The following ONECUT3 variants were observed in gnomAD, a reference collection of about 807,000 sequenced individuals.
The protein encoded by ONECUT3 is one cut homeobox 3.
Under a neutral mutation model 16.8 loss-of-function variants are expected in ONECUT3, and 11 were observed. The observed-to-expected ratio is 0.66, with a 90% CI of 0.41 to 1.09. The LOEUF (loss-of-function observed/expected upper bound fraction) is 1.09. ONECUT3 is among the 50% of genes least tolerant of loss of function. The pLI is 0.00. For synonymous variants in ONECUT3, 344 were observed against 310.7 expected (o/e 1.11, Z -1.13); for missense variants, 637 against 629.9 (o/e 1.01, Z -0.12).
Position 1,759,869 on chromosome 19 carries a change from A to G in ONECUT3, c.1192+5015A>G, listed in dbSNP as rs556585822. Reference sequence around the variant, plus strand: ...GTGTGGATAGACCGAGACCGTGCCCAGGGCCACGAGAACCAGACCCACGTG... The same window carrying G: ...GTGTGGATAGACCGAGACCGTGCCCGGGGCCACGAGAACCAGACCCACGTG... On this transcript the variant is annotated intron_variant, in intron 1 of 1. Transcript: ENST00000382349. The surrounding 1 kb of genome is among the most constrained non-coding windows in gnomAD (Gnocchi z 4.1). Among the ~76,000 whole-genome samples, 1 of 152,226 alleles carries G rather than the reference A, an allele frequency of 6.6e-6. No individual in the cohort carries two copies. Among genetic ancestry groups the G allele is most frequent in the Admixed American group, 6.5e-5 (1 of 15,280 alleles).
In ONECUT3 at chr19:1,753,979, C is replaced by T. The variant is rs990485679; in HGVS notation, c.317C>T (p.Thr106Met). Residue 106 changes from threonine to methionine, a missense_variant, in exon 1 of 2, where the codon ACG (threonine) becomes ATG (methionine). Physicochemically the swap from Thr to Met is moderately conservative, Grantham distance 81. Coordinates refer to ENST00000382349, the MANE Select transcript of ONECUT3 (RefSeq NM_001080488.2). ...GCGCCGGGCCTGGGCGGCACCTACA[C>T]GACGCTCACGCCCCTGCAGCACCTG... is the stretch of plus-strand genomic sequence containing the variant. ...CEAPGLGGTY[T>M]TLTPLQHLPP... 15 of 994,826 alleles carry T rather than the reference C, an allele frequency of 1.5e-5. No individual in the cohort carries two copies. Among genetic ancestry groups the T allele is most frequent in the African/African-American group, 3.5e-5 (2 of 56,906 alleles). 61.6% of individuals were successfully genotyped at this position (994,826 alleles called of 1,614,324 possible).
intron 1 of ONECUT3, among the ~76,000 whole-genome samples, chr19:1,769,046 G>A (rs559917326): frequency 1.1e-5 from 1 of 89,668 alleles, no homozygotes; most frequent in East Asian, 3.6e-4. Flanking sequence ...GACGGTGGAG[G>A]TGGTGGAGTT....
Position 1,759,914 on chromosome 19 carries a change from G to A in ONECUT3, c.1192+5060G>A, listed in dbSNP as rs1052835805. On this transcript the variant is annotated intron_variant, in intron 1 of 1. Coordinates refer to ENST00000382349, the MANE Select transcript of ONECUT3 (RefSeq NM_001080488.2). This position sits in a 1 kb window ranked among gnomAD's most constrained non-coding sequence, Gnocchi z 4.1. ...CACGTGGGGCTGCGCGCGAGACTCA[G>A]GTGACTCTGGTGCCCCCACACCAGC... 2.6e-5 allele frequency among the ~76,000 whole-genome samples: 4 copies of A among 152,134 alleles called. No individual in the cohort carries two copies. Among genetic ancestry groups the A allele is most frequent in the Non-Finnish European group, 4.4e-5 (3 of 68,000 alleles).
intron 1 of ONECUT3, among the ~76,000 whole-genome samples, chr19:1,763,631 G>A (rs532706886): frequency 1.3e-5 from 2 of 152,108 alleles, no homozygotes; most frequent in East Asian, 3.9e-4. Flanking sequence ...TGCAAGATGA[G>A]GTGGCTTCCA....
chr19:1,757,836 C>A (rs1243313107), intron 1 of ONECUT3, among the ~76,000 whole-genome samples: 1 of 152,240 alleles, frequency 6.6e-6, no homozygotes, highest in Non-Finnish European at 1.5e-5. Flanking sequence ...CACGGCGACG[C>A]CCCAACGCTG....
intron 1 of ONECUT3, among the ~76,000 whole-genome samples, chr19:1,768,861 AGGAGGTGGCGGAGGTAGAGGT>A (rs1681055493): frequency 2.4e-5 from 1 of 41,532 alleles, no homozygotes; most frequent in Admixed American, 2.0e-4. Context: ...GAGACGATGG[AGGAGGTGGCGGAGGTAGAGGT>A]GGAGGTGGTG....
At chr19:1,756,695 A>ATTTTTTTT (rs58105449) in intron 1 of ONECUT3, among the ~76,000 whole-genome samples, 660 of 101,068 alleles carry the variant, frequency 6.5e-3, no homozygotes, top group East Asian at 0.013. Context: ...ACGCCTGGCT[A>ATTTTTTTT]TTTTTTTTTT....
At position 1,754,613 on chromosome 19, in the gene ONECUT3, G is replaced by T; in HGVS notation, c.951G>T (p.Ala317=). 7.0e-7 allele frequency: 1 copy of T among 1,423,190 alleles called. No homozygotes were observed. Among genetic ancestry groups the T allele is most frequent in the Non-Finnish European group, 9.2e-7 (1 of 1,081,788 alleles). The allele number at this position is 1,423,190 out of a possible 1,614,324, so 88.2% of individuals were successfully genotyped here. The change falls in exon 1 of 2, where the codon GCG becomes GCT. Residue 317 remains alanine (A), a synonymous_variant. Transcript: ENST00000382349. This position sits in a 1 kb window ranked among gnomAD's most constrained non-coding sequence, Gnocchi z 7.4. ...GCGGCGGCCCCAGCGCGGGCGCAGCGGCCGAGGAGATCAACACCAAGGAGG... is the reference window on the plus strand; with the variant it reads ...GCGGCGGCCCCAGCGCGGGCGCAGCTGCCGAGGAGATCAACACCAAGGAGG... ...GSGGGPSAGA[A]AEEINTKEVA... is the part of the protein sequence containing the mutation.
Position 1,758,775 on chromosome 19 carries a change from C to T in ONECUT3, c.1192+3921C>T, listed in dbSNP as rs1239830691. ...TATGGGAGAGGGGCTGGGGGAGGGG[C>T]GGGCGGGCTCCTCGGCGGGGGTGGG... On this transcript the variant is annotated intron_variant, in intron 1 of 1. Coordinates refer to ENST00000382349, the MANE Select transcript of ONECUT3 (RefSeq NM_001080488.2). This position sits in a 1 kb window ranked among gnomAD's most constrained non-coding sequence, Gnocchi z 5.9. Among the ~76,000 whole-genome samples the T allele has an allele frequency of 1.7e-5, 2 of 118,546 alleles. No individual in the cohort carries two copies. The highest frequency in any genetic ancestry group is 2.7e-4 in the East Asian group (1 of 3,668). The allele number at this position is 118,546 out of a possible 152,430, so 77.8% of individuals were successfully genotyped here. A position where few individuals can be genotyped will look rare whatever the true frequency, so the allele number is the denominator to read the frequency against.
In ONECUT3 at chr19:1,754,430, G is replaced by T; in HGVS notation, c.768G>T (p.Glu256Asp). The change falls in exon 1 of 2, where the codon GAG (glutamate) becomes GAT (aspartate). Residue 256 changes from glutamate to aspartate, a missense_variant. Glu to Asp is a conservative substitution (Grantham distance 45). Around this residue, in one of 3 missense-constraint regions of ONECUT3, gnomAD observed 419 missense variants for 377.9 expected, o/e 1.11. Coordinates refer to ENST00000382349, the MANE Select transcript of ONECUT3 (RefSeq NM_001080488.2). The surrounding 1 kb of genome is among the most constrained non-coding windows in gnomAD (Gnocchi z 7.4). ...ACGCCGCGCTGCTGGGACGCGCGGAGGACGCACTGGCCCGCGGGCTGCCCG... is the reference window on the plus strand; with the variant it reads ...ACGCCGCGCTGCTGGGACGCGCGGATGACGCACTGGCCCGCGGGCTGCCCG... ...EPHAALLGRA[E>D]DALARGLPGG... is the part of the protein sequence containing the mutation. 1 of 1,035,046 alleles carries T rather than the reference G, an allele frequency of 9.7e-7. No individual in the cohort carries two copies. Among genetic ancestry groups the T allele is most frequent in the South Asian group, 3.3e-5 (1 of 30,188 alleles). The allele number at this position is 1,035,046 out of a possible 1,614,324, so 64.1% of individuals were successfully genotyped here. A position where few individuals can be genotyped will look rare whatever the true frequency, so the allele number is the denominator to read the frequency against.
rs150518467 is a variant in ONECUT3 at position 1,769,385 on chromosome 19, G to A, written c.1193-5768G>A. On this transcript the variant is annotated intron_variant, in intron 1 of 1. Transcript: ENST00000382349. ...CTCATTGGAGGCTGGTGGAGGTCGC[G>A]TGGCAGAGGTGGCAATGGTGGGCCC... Among the ~76,000 whole-genome samples the A allele has an allele frequency of 3.4e-4, 52 of 152,182 alleles. No homozygotes were observed. In the East Asian group the frequency reaches 4.1e-3, roughly 12 times the overall value.
intron 1 of ONECUT3, among the ~76,000 whole-genome samples, chr19:1,765,316 A>T (rs959570578): frequency 1.3e-5 from 2 of 152,054 alleles, no homozygotes; most frequent in Non-Finnish European, 2.9e-5. Flanking sequence ...ACTGGGATTC[A>T]GGGACCTTCC....
chr19:1,776,092 G>A lies in ONECUT3; in HGVS notation c.*647G>A, dbSNP rs1268418418. The A allele has an allele frequency of 1.3e-5, 2 of 152,272 alleles. No homozygotes were observed. The highest frequency in any genetic ancestry group is 2.9e-5 in the Non-Finnish European group (2 of 68,122). 9.4% of individuals were successfully genotyped at this position (152,272 alleles called of 1,614,324 possible). On this transcript the variant is annotated 3_prime_UTR_variant, in exon 2 of 2. Transcript: ENST00000382349. This position sits in a 1 kb window ranked among gnomAD's most constrained non-coding sequence, Gnocchi z 4.9. ...CCCCTCTCTGCGGCCAGGATTCCTCGTGCCAAGAATCGCCTGCCTTAAAGT... is the reference window on the plus strand; with the variant it reads ...CCCCTCTCTGCGGCCAGGATTCCTCATGCCAAGAATCGCCTGCCTTAAAGT...
At chr19:1,756,686 C>G (rs990739702) in intron 1 of ONECUT3, among the ~76,000 whole-genome samples, 1 of 146,518 alleles carries the variant, frequency 6.8e-6, no homozygotes, top group Non-Finnish European at 1.5e-5. Flanking sequence ...CCCGCCACCA[C>G]GCCTGGCTAT....
At chr19:1,763,153 C>T (rs1268544766) in intron 1 of ONECUT3, among the ~76,000 whole-genome samples, 1 of 151,794 alleles carries the variant, frequency 6.6e-6, no homozygotes, top group African/African-American at 2.4e-5. Context: ...CATCTGAGGC[C>T]AGGAGTTCGA....
At chr19:1,769,852 G>C (rs1270765976) in intron 1 of ONECUT3, among the ~76,000 whole-genome samples, 1 of 152,120 alleles carries the variant, frequency 6.6e-6, no homozygotes, top group African/African-American at 2.4e-5. Flanking sequence ...AAAACGGGAA[G>C]TTTTTTCAGA....
At position 1,758,323 on chromosome 19, in the gene ONECUT3, GAGAGAGAGAGAGAC is replaced by G. The variant is rs1300795008; in HGVS notation, c.1192+3475_1192+3488del. ...ACCAAAAAAAAAAAAAAAAGAGAGA[GAGAGAGAGAGAGAC>G]AGAGATGGGAGAGGAACTCTGGGTG... On this transcript the variant is annotated intron_variant, in intron 1 of 1. Coordinates refer to ENST00000382349, the MANE Select transcript of ONECUT3 (RefSeq NM_001080488.2). This position sits in a 1 kb window ranked among gnomAD's most constrained non-coding sequence, Gnocchi z 5.9. Among the ~76,000 whole-genome samples, 19 of 146,576 alleles carry G rather than the reference GAGAGAGAGAGAGAC, an allele frequency of 1.3e-4. No homozygotes were observed. Among genetic ancestry groups the G allele is most frequent in the East Asian group, 1.2e-3 (6 of 5,044 alleles).
intron 1 of ONECUT3, among the ~76,000 whole-genome samples, chr19:1,756,435 G>C (rs866417314): frequency 9.9e-5 from 15 of 152,206 alleles, no homozygotes; most frequent in African/African-American, 3.4e-4. Flanking sequence ...AGCGGCACTC[G>C]TGCGCTCACC....
intron 1 of ONECUT3, among the ~76,000 whole-genome samples, chr19:1,767,608 C>T (rs1370885275): frequency 1.3e-5 from 2 of 152,124 alleles, no homozygotes; most frequent in African/African-American, 4.8e-5. Context: ...TGGGTTGGGG[C>T]GGGGACGGCT....
Sources: allele counts gnomAD v4.1 joint callset (sites outside exome capture counted in the v4.1 genomes callset), GRCh38; gene constraint gnomAD v4.1.1; regional missense constraint gnomAD v4.1.1; non-coding constraint Gnocchi (gnomAD v3.1); transcripts MANE v1.5; gene names NCBI Gene and HGNC (gene_info 2026-07-23, HGNC 2026-07-21).